POM121: variants seen among roughly 807,000 people sequenced by gnomAD.
POM121 encodes POM121 transmembrane nucleoporin, also known as nuclear envelope pore membrane protein POM 121.
Under a neutral mutation model 81.3 loss-of-function variants are expected in POM121, and 32 were observed. The observed-to-expected ratio is 0.39, with a 90% confidence interval of 0.30 to 0.53. The LOEUF is 0.53. Among genes scored for constraint, POM121 ranks in the 20% least tolerant of loss-of-function variants. POM121 has a pLI of 0.66. For missense variants in POM121, 1,138 were observed against 1,614.6 expected (o/e 0.70, Z 5.06); for synonymous variants, 514 against 694.2 (o/e 0.74, Z 4.08).
chr7:72,884,535 CAAATATATACATATAAT>C (rs1790502983), intron 1 of POM121, among the ~76,000 whole-genome samples: 3 of 59,344 alleles, frequency 5.1e-5, no homozygotes, highest in Non-Finnish European at 9.9e-5. Context: ...TATTTGATAG[CAAATATATACATATAAT>C]ATATATTTGA....
At chr7:72,889,023 T>C (rs1358563980) in intron 1 of POM121, among the ~76,000 whole-genome samples, 2 of 152,238 alleles carry the variant, frequency 1.3e-5, no homozygotes, top group East Asian at 1.9e-4. Flanking sequence ...TTGTATATTA[T>C]GTTTTTAATC....
chr7:72,948,994 A>G, downstream of POM121: 3 of 1,610,948 alleles, frequency 1.9e-6, no homozygotes, highest in Non-Finnish European at 1.7e-6. Flanking sequence ...CAGGGAAGGG[A>G]AAGTGAGCGC....
At chr7:72,943,594 G>A (rs1421481861) in intron 11 of POM121, 72 bp downstream of exon 11, 13 of 1,542,880 alleles carry the variant, frequency 8.4e-6, no homozygotes, top group Admixed American at 6.0e-5. Context: ...CTGTGGTCTC[G>A]GGGAGCTTAT....
chr7:72,931,759 C>T (rs1373265814), intron 5 of POM121, among the ~76,000 whole-genome samples: 5 of 152,136 alleles, frequency 3.3e-5, no homozygotes, highest in South Asian at 2.1e-4. Flanking sequence ...TTAGTAGAGA[C>T]GAGATTTCAC....
rs1314013821 is a variant in POM121, at chr7:72,879,604, C to T, written c.-802C>T. Reference sequence around the variant, plus strand: ...AGAGGGGCCAGGCGGGAGGTGGTGGCGGAGGCGAAGGGGCGACGGGACCTG... The same window carrying T: ...AGAGGGGCCAGGCGGGAGGTGGTGGTGGAGGCGAAGGGGCGACGGGACCTG... On this transcript the variant is annotated 5_prime_UTR_variant, in exon 1 of 16. Coordinates refer to the POM121 transcript ENST00000395270. 1.0e-5 allele frequency: 3 copies of T among 295,836 alleles called. No homozygotes were observed. The East Asian group carries it at 4.8e-4, about 47-fold the overall frequency. 18.3% of individuals were successfully genotyped at this position (295,836 alleles called of 1,614,324 possible). A position where few individuals can be genotyped will look rare whatever the true frequency, so the allele number is the denominator to read the frequency against.
In POM121 at chr7:72,925,908, G is replaced by C. The variant is rs189116200; in HGVS notation, c.644+143G>C. On this transcript the variant is annotated intron_variant, in intron 1 of 12. Coordinates refer to ENST00000434423, the MANE Select transcript of POM121 (RefSeq NM_001387691.1). ...TGCCCTCCTTAACACCTTGGTGTGT[G>C]CCAGCTGTCTCCTGGCCTCTGACTC... 3,403 of 1,083,712 alleles carry C rather than the reference G, an allele frequency of 3.1e-3. 24 individuals carry two copies. The highest frequency in any genetic ancestry group is 2.7e-3 in the Non-Finnish European group (2,146 of 798,134). The allele number at this position is 1,083,712 out of a possible 1,614,324, so 67.1% of individuals were successfully genotyped here.
At chr7:72,887,639 C>A (rs1470029487) in intron 1 of POM121, among the ~76,000 whole-genome samples, 1 of 152,098 alleles carries the variant, frequency 6.6e-6, no homozygotes, top group African/African-American at 2.4e-5. Flanking sequence ...CCAGCCTGGC[C>A]AACATGGTGA....
chr7:72,899,208 C>T (rs1295283150), intron 3 of POM121, among the ~76,000 whole-genome samples: 1 of 152,050 alleles, frequency 6.6e-6, no homozygotes, highest in Non-Finnish European at 1.5e-5. Flanking sequence ...TGGTCTCAAA[C>T]TCCTGACCGC....
At chr7:72,919,140 A>G (rs1794569659) in intron 4 of POM121, among the ~76,000 whole-genome samples, 1 of 149,816 alleles carries the variant, frequency 6.7e-6, no homozygotes, top group Admixed American at 6.7e-5. Flanking sequence ...TCCTGACCTC[A>G]GGTGATTCAC....
At chr7:72,890,202 G>A (rs1586069959) in intron 1 of POM121, among the ~76,000 whole-genome samples, 1 of 152,204 alleles carries the variant, frequency 6.6e-6, no homozygotes, top group East Asian at 1.9e-4. Flanking sequence ...GAGTTAGGAA[G>A]AAGAAGACCA....
chr7:72,896,771 C>T (rs1208700713), intron 3 of POM121, among the ~76,000 whole-genome samples: 2 of 152,044 alleles, frequency 1.3e-5, no homozygotes, highest in Admixed American at 6.6e-5. Context: ...GTGTTCATTT[C>T]CTACTTCTAT....
chr7:72,923,719 C>T (rs1247823660), upstream of POM121, among the ~76,000 whole-genome samples: 2 of 147,768 alleles, frequency 1.4e-5, no homozygotes, highest in African/African-American at 5.0e-5. Flanking sequence ...CCTGCCTCAG[C>T]CTCCCAAGTA....
chr7:72,946,243 C>T lies in POM121; in HGVS notation c.*9C>T, dbSNP rs782730843. Reference sequence around the variant, plus strand: ...ACACCCGCAAAAAGTAGCCTTTGTCCCCTGTCCCTGTTCCCCCCACCCCTT... The same window carrying T: ...ACACCCGCAAAAAGTAGCCTTTGTCTCCTGTCCCTGTTCCCCCCACCCCTT... On this transcript the variant is annotated 3_prime_UTR_variant, in exon 13 of 13. Transcript: ENST00000434423. 9 of 1,610,896 alleles carry T rather than the reference C, an allele frequency of 5.6e-6. No individual in the cohort carries two copies. Among genetic ancestry groups the T allele is most frequent in the South Asian group, 4.4e-5 (4 of 90,900 alleles).
exon 1 of POM121, chr7:72,879,817 G>T: frequency 4.0e-6 from 2 of 503,154 alleles, no homozygotes; most frequent in Non-Finnish European, 7.9e-6. Context: ...GCAGACGCGC[G>T]CGCCAGCGAC....
chr7:72,944,577 G>A (rs1336957173), intron 11 of POM121, among the ~76,000 whole-genome samples: 3 of 152,186 alleles, frequency 2.0e-5, no homozygotes, highest in African/African-American at 4.8e-5. Flanking sequence ...CACTGTGGGT[G>A]TAGACCTAAG....
intron 10 of POM121, among the ~76,000 whole-genome samples, chr7:72,941,504 C>T (rs1228070424): frequency 1.4e-5 from 2 of 147,526 alleles, no homozygotes; most frequent in African/African-American, 5.1e-5. Context: ...TAGTTGTGTG[C>T]TCTTAGCGCC....
In POM121 at chr7:72,943,044, C is replaced by G. The variant is rs782333689; in HGVS notation, c.3051C>G (p.Val1017=). Residue 1017 remains valine, a synonymous_variant, in exon 11 of 13, where the codon GTC becomes GTG. Coordinates refer to ENST00000434423, the MANE Select transcript of POM121 (RefSeq NM_001387691.1). The part of the protein sequence containing the change: ...PTPAPPSMIK[V]VPAYVPTPIH... ...CTGCACCTCCGTCCATGATCAAGGT[C>G]GTGCCTGCGTACGTGCCTACGCCCA... The G allele has an allele frequency of 1.9e-6, 3 of 1,613,912 alleles. No homozygotes were observed. The highest frequency in any genetic ancestry group is 4.5e-5 in the East Asian group (2 of 44,858).
intron 3 of POM121, among the ~76,000 whole-genome samples, chr7:72,894,677 G>T (rs1554491442): frequency 2.2e-5 from 3 of 139,154 alleles, no homozygotes; most frequent in South Asian, 4.8e-4. Flanking sequence ...GAGAGAGAGA[G>T]AGAGATCTCC....
At chr7:72,926,059 T>C (rs1554497318) in intron 1 of POM121, among the ~76,000 whole-genome samples, 1 of 152,164 alleles carries the variant, frequency 6.6e-6, no homozygotes, top group African/African-American at 2.4e-5. Flanking sequence ...TGAAATCCAT[T>C]GTTGAGACAG....
Sources: allele counts gnomAD v4.1 joint callset (sites outside exome capture counted in the v4.1 genomes callset), GRCh38; gene constraint gnomAD v4.1.1; transcripts MANE v1.5; gene names NCBI Gene and HGNC (gene_info 2026-07-23, HGNC 2026-07-21).